PYHIN1: variants seen among roughly 807,000 people sequenced by gnomAD.
PYHIN1 encodes the protein pyrin and HIN domain-containing protein 1.
Under a neutral mutation model 43.7 loss-of-function variants are expected in PYHIN1, and 32 were observed. That is an observed-to-expected ratio of 0.73 (90% CI 0.55 to 0.98). The LOEUF (loss-of-function observed/expected upper bound fraction) is 0.98, where lower values mean the gene tolerates loss of function less well. Among genes scored for constraint, PYHIN1 ranks in the 50% least tolerant of loss-of-function variants. PYHIN1 has a pLI of 0.00. For synonymous variants in PYHIN1, 205 were observed against 203.1 expected (o/e 1.01, Z -0.08); for missense variants, 588 against 589.5 (o/e 1.00, Z 0.03).
At chr1:158,960,608 A>G (rs1650264153) in intron 7 of PYHIN1, among the ~76,000 whole-genome samples, 1 of 152,190 alleles carries the variant, frequency 6.6e-6, no homozygotes, top group Non-Finnish European at 1.5e-5. Context: ...GTCTTGTGCC[A>G]CTCATCATGG....
chr1:158,955,763 T>C (rs1429764680), intron 7 of PYHIN1, among the ~76,000 whole-genome samples: 1 of 89,342 alleles, frequency 1.1e-5, no homozygotes. Flanking sequence ...AGAGCAGAAC[T>C]GAAGGAAATA....
the PYHIN1 span, among the ~76,000 whole-genome samples, chr1:158,985,616 A>G: frequency 2.6e-5 from 4 of 152,080 alleles, no homozygotes; most frequent in East Asian, 7.7e-4. Flanking sequence ...GGAGAATTGG[A>G]TAACTATGTG....
Position 158,937,137 on chromosome 1 carries a change from G to A in PYHIN1, c.227G>A (p.Gly76Glu), listed in dbSNP as rs1237694481. The change falls in exon 2 of 9, where the codon GGA becomes GAA. Residue 76 changes from glycine (G) to glutamate (E), a missense_variant. By Grantham distance (98) the Gly-to-Glu change is moderately conservative. Coordinates refer to ENST00000368140, the MANE Select transcript of PYHIN1 (RefSeq NM_152501.5). ...IEFFKEIPTL[G>E]DLAETLKREK... ...TTCTTCAAAGAAATACCAACACTGGGAGACCTTGCTGAAACTCTTAAAAGA... is the reference window on the plus strand; with the variant it reads ...TTCTTCAAAGAAATACCAACACTGGAAGACCTTGCTGAAACTCTTAAAAGA... The A allele has an allele frequency of 3.1e-6, 5 of 1,606,302 alleles. No individual in the cohort carries two copies. Among genetic ancestry groups the A allele is most frequent in the Non-Finnish European group, 4.2e-6 (5 of 1,177,436 alleles).
At chr1:158,980,779 C>G (rs1040512440), downstream of PYHIN1, among the ~76,000 whole-genome samples, 2 of 152,068 alleles carry the variant, frequency 1.3e-5, no homozygotes, top group African/African-American at 4.8e-5. Context: ...ACCCTTTGTC[C>G]CGTTCCCTCA....
intron 7 of PYHIN1, among the ~76,000 whole-genome samples, chr1:158,955,319 A>G (rs1184390636): frequency 1.1e-3 from 172 of 151,330 alleles, no homozygotes; most frequent in African/African-American, 4.1e-3. Flanking sequence ...GCACCACACC[A>G]CACCTATTCC....
At chr1:158,984,096 A>G in the PYHIN1 span, among the ~76,000 whole-genome samples, 1 of 144,528 alleles carries the variant, frequency 6.9e-6, no homozygotes, top group African/African-American at 2.6e-5. Flanking sequence ...CAAAAAACCA[A>G]TTTTTAGTTT....
At chr1:158,975,345 A>G (rs761997599) in intron 8 of PYHIN1, among the ~76,000 whole-genome samples, 39 of 152,094 alleles carry the variant, frequency 2.6e-4, no homozygotes, top group Non-Finnish European at 4.6e-4. Flanking sequence ...TCCTAAATCA[A>G]AGAGCCCAGA....
intron 7 of PYHIN1, among the ~76,000 whole-genome samples, chr1:158,969,028 C>A (rs1468708726): frequency 6.6e-6 from 1 of 151,996 alleles, no homozygotes; most frequent in Non-Finnish European, 1.5e-5. Context: ...CAAACCTGCA[C>A]ATGTACCTCT....
At chr1:158,932,384 A>G (rs1287615159) in intron 1 of PYHIN1, among the ~76,000 whole-genome samples, 1 of 152,230 alleles carries the variant, frequency 6.6e-6, no homozygotes, top group African/African-American at 2.4e-5. Flanking sequence ...TGGGATCACC[A>G]GACAACAAGC....
chr1:158,989,688 A>C, the PYHIN1 span, among the ~76,000 whole-genome samples: 1 of 152,326 alleles, frequency 6.6e-6, no homozygotes, highest in African/African-American at 2.4e-5. Context: ...TCTCAGAATA[A>C]GTCAACCCTG....
chr1:158,974,179 G>A (rs1772444), intron 8 of PYHIN1, among the ~76,000 whole-genome samples: 137,546 of 151,960 alleles, frequency 0.91, 63,881 homozygotes, highest in East Asian at 1. Flanking sequence ...TAGTGTCTTG[G>A]CATATGCTAC....
At position 158,944,879 on chromosome 1, in the gene PYHIN1, A is replaced by G; in HGVS notation, c.1196A>G (p.Gln399Arg). 1 of 1,565,054 alleles carries G rather than the reference A, an allele frequency of 6.4e-7. No homozygotes were observed. The highest frequency in any genetic ancestry group is 1.2e-5 in the South Asian group (1 of 82,430). ...MSEMHSFIQIQKNTNQRSHDS... is the reference protein window; with the variant it reads ...MSEMHSFIQIRKNTNQRSHDS... ...CAAAAAAATGAATACTTTCAGATAC[A>G]GAAAAATACAAACCAGAGAAGCCAT... Residue 399 changes from glutamine (Q) to arginine (R), a missense_variant, in exon 7 of 9, where the codon CAG (glutamine) becomes CGG (arginine). By Grantham distance (43) the Gln-to-Arg change is conservative. Transcript: ENST00000368140.
At chr1:158,942,530 T>C in intron 5 of PYHIN1, 131 bp downstream of exon 5, 1 of 672,656 alleles carries the variant, frequency 1.5e-6, no homozygotes. Flanking sequence ...TACTGACAAG[T>C]AGATAAAGTC....
At chr1:158,988,762 T>C in the PYHIN1 span, among the ~76,000 whole-genome samples, 1 of 152,118 alleles carries the variant, frequency 6.6e-6, no homozygotes, top group East Asian at 1.9e-4. Context: ...AGAGATAAAC[T>C]GAAGAGAAAA....
At chr1:158,944,080 A>G (rs1408650478) in intron 6 of PYHIN1, 102 bp downstream of exon 6, 13 of 883,212 alleles carry the variant, frequency 1.5e-5, no homozygotes, top group Non-Finnish European at 2.1e-5. Context: ...AAAATTCTGC[A>G]GAGTTCATGA....
chr1:158,952,971 C>T (rs893332573), intron 7 of PYHIN1, among the ~76,000 whole-genome samples: 8 of 152,114 alleles, frequency 5.3e-5, no homozygotes, highest in East Asian at 1.9e-4. Context: ...GTTCCCTTTC[C>T]GAGTCAAAGA....
chr1:158,942,394 C>T lies in PYHIN1; in HGVS notation c.997C>T (p.His333Tyr), dbSNP rs1337236430. Reference sequence around the variant, plus strand: ...TATTGTATATGGATTATTTATGCTACATACGGTAAGGCATCAAAGCTATTT... The same window carrying T: ...TATTGTATATGGATTATTTATGCTATATACGGTAAGGCATCAAAGCTATTT... Reference protein sequence around the residue: ...GYIVYGLFMLHTKIVNRKTTI... With the variant: ...GYIVYGLFMLYTKIVNRKTTI... Residue 333 changes from histidine to tyrosine, a missense_variant, in exon 5 of 9, where the codon CAT becomes TAT. By Grantham distance (83) the His-to-Tyr change is moderately conservative. Transcript: ENST00000368140. 5.7e-6 allele frequency: 9 copies of T among 1,578,292 alleles called. No individual in the cohort carries two copies. Among genetic ancestry groups the T allele is most frequent in the Non-Finnish European group, 5.1e-6 (6 of 1,165,270 alleles).
chr1:158,985,948 G>T, the PYHIN1 span, among the ~76,000 whole-genome samples: 1 of 152,142 alleles, frequency 6.6e-6, no homozygotes, highest in Non-Finnish European at 1.5e-5. Flanking sequence ...AGCTTCTGCT[G>T]TTAGTACTTC....
chr1:158,974,687 T>C (rs1626284), intron 8 of PYHIN1, among the ~76,000 whole-genome samples: 139,431 of 152,082 alleles, frequency 0.92, 65,134 homozygotes, highest in Non-Finnish European at 1. Flanking sequence ...GTTCTCAATT[T>C]GTGGTCGTTT....
Sources: allele counts gnomAD v4.1 joint callset (sites outside exome capture counted in the v4.1 genomes callset), GRCh38; gene constraint gnomAD v4.1.1; transcripts MANE v1.5; gene names NCBI Gene and HGNC (gene_info 2026-07-23, HGNC 2026-07-21).